Variants in SLC12A7 observed in about 807,000 individuals in gnomAD.
SLC12A7 encodes the protein solute carrier family 12 member 7, also known as K-Cl cotransporter 4.
Under a neutral mutation model 120.6 loss-of-function variants are expected in SLC12A7, and 100 were observed. The observed-to-expected ratio is 0.83, with a 90% CI of 0.71 to 0.98. The LOEUF is 0.98. SLC12A7 is among the 50% of genes least tolerant of loss of function. The pLI is 0.00. For synonymous variants in SLC12A7, 760 were observed against 678.0 expected, an observed-to-expected ratio of 1.12 and a Z score of -1.88; for missense variants, 1,373 against 1,548.1, an observed-to-expected ratio of 0.89 and a Z score of 1.90.
Position 1,052,288 on chromosome 5 carries a change from G to C in SLC12A7, c.*72C>G. On this transcript the variant is annotated 3_prime_UTR_variant, in exon 24 of 24. Transcript: ENST00000264930. The stretch of plus-strand genomic sequence containing the variant: ...GGTGTGTCTGCCGTCTGTTTCCCTG[G>C]GCCAAGCCCAGGCCCAGGCTGCCCA... 7.7e-7 allele frequency: 1 copy of C among 1,298,764 alleles called. No individual in the cohort carries two copies. Among genetic ancestry groups the C allele is most frequent in the Non-Finnish European group, 1.1e-6 (1 of 895,512 alleles). The allele number at this position is 1,298,764 out of a possible 1,614,324, so 80.5% of individuals were successfully genotyped here.
At chr5:1,054,101 A>G (rs1311669849) in intron 22 of SLC12A7, among the ~76,000 whole-genome samples, 1 of 152,250 alleles carries the variant, frequency 6.6e-6, no homozygotes, top group East Asian at 1.9e-4. Flanking sequence ...CCGAGGACTC[A>G]GCTGGAGGCA....
At chr5:1,116,879 A>G (rs908818849), upstream of SLC12A7, among the ~76,000 whole-genome samples, 2 of 152,100 alleles carry the variant, frequency 1.3e-5, no homozygotes, top group Non-Finnish European at 2.9e-5. Context: ...TCAGGGGGAA[A>G]GGCCATGCCA....
chr5:1,120,373 C>T, the SLC12A7 span, among the ~76,000 whole-genome samples: 1 of 152,312 alleles, frequency 6.6e-6, no homozygotes, highest in East Asian at 1.9e-4. Flanking sequence ...ACGCTGAACC[C>T]GGAGGACAAG....
chr5:1,137,121 C>T, the SLC12A7 span, among the ~76,000 whole-genome samples: 1 of 152,236 alleles, frequency 6.6e-6, no homozygotes. Context: ...CACAGAGCCA[C>T]ACCCAGCCAC....
intron 15 of SLC12A7, 31 bp downstream of exon 15, chr5:1,075,340 C>T (rs767365778): frequency 1.7e-5 from 28 of 1,600,228 alleles, no homozygotes; most frequent in African/African-American, 4.0e-5. Flanking sequence ...TCCCGTGCGC[C>T]GGGTCTGTAA....
rs766589447 is a variant in SLC12A7 at position 1,112,018 on chromosome 5, C to A, written c.-27G>T. 1.6e-5 allele frequency: 20 copies of A among 1,239,936 alleles called. No homozygotes were observed. In the African/African-American group the frequency reaches 2.9e-4, roughly 18 times the overall value. 76.8% of individuals were successfully genotyped at this position (1,239,936 alleles called of 1,614,324 possible). On this transcript the variant is annotated 5_prime_UTR_variant, in exon 1 of 24. Coordinates refer to ENST00000264930, the MANE Select transcript of SLC12A7 (RefSeq NM_006598.3). ...GCCGCCTGCAGCCGACAGTCCCCGT[C>A]CCGGCCCGGCCCGCGCTGCGCCGCT...
intron 17 of SLC12A7, among the ~76,000 whole-genome samples, chr5:1,069,099 A>G (rs978232581): frequency 6.6e-6 from 1 of 152,204 alleles, no homozygotes; most frequent in African/African-American, 2.4e-5. Context: ...TAACGCCTGA[A>G]CCCGTGGTGA....
At chr5:1,149,455 T>C in the SLC12A7 span, among the ~76,000 whole-genome samples, 2 of 152,040 alleles carry the variant, frequency 1.3e-5, no homozygotes, top group Non-Finnish European at 2.9e-5. Context: ...CAGGTGCCTG[T>C]AATCCCAGCT....
chr5:1,093,794 G>C, intron 2 of SLC12A7, 139 bp from the exon 3 acceptor site: 1 of 1,307,120 alleles, frequency 7.7e-7, no homozygotes, highest in Non-Finnish European at 1.0e-6. Flanking sequence ...AGAGAGGCCT[G>C]GACACCTGTG....
At position 1,063,855 on chromosome 5, in the gene SLC12A7, C is replaced by G. The variant is rs201268809; in HGVS notation, c.2728G>C (p.Val910Leu). Residue 910 changes from valine to leucine, a missense_variant, in exon 20 of 24, where the codon GTG (valine) becomes CTG (leucine). Val to Leu is a conservative substitution (Grantham distance 32). Coordinates refer to ENST00000264930, the MANE Select transcript of SLC12A7 (RefSeq NM_006598.3). ...CCCTCGGGACTCACCATCTCCACCA[C>G]CTCCACCTCGGCGCTGATGCGCAAG... ...YHLRISAEVE[V>L]VEMVENDISA... is the part of the protein sequence containing the mutation. 4.4e-6 allele frequency: 7 copies of G among 1,607,162 alleles called. No homozygotes were observed. In the African/African-American group the frequency reaches 8.1e-5, roughly 19 times the overall value.
chr5:1,154,824 C>T, the SLC12A7 span, among the ~76,000 whole-genome samples: 28 of 152,244 alleles, frequency 1.8e-4, no homozygotes, highest in African/African-American at 6.0e-4. Flanking sequence ...TCGCAGTAAC[C>T]GCAGGTCTTC....
At chr5:1,115,475 G>C (rs60484565), upstream of SLC12A7, among the ~76,000 whole-genome samples, 1 of 152,324 alleles carries the variant, frequency 6.6e-6, no homozygotes, top group East Asian at 1.9e-4. Context: ...CCAGGTCCGC[G>C]GGTCCCCCCA....
At chr5:1,062,355 A>G (rs544382777) in intron 20 of SLC12A7, among the ~76,000 whole-genome samples, 111 of 152,352 alleles carry the variant, frequency 7.3e-4, no homozygotes, top group African/African-American at 2.6e-3. Context: ...AATAACCCCT[A>G]CAACCTTGAA....
chr5:1,094,077 G>C, intron 2 of SLC12A7, 77 bp downstream of exon 2: 1 of 1,229,450 alleles, frequency 8.1e-7, no homozygotes, highest in South Asian at 1.2e-5. Context: ...CCGGCCTGGG[G>C]GCCCCCAGGG....
intron 11 of SLC12A7, chr5:1,078,483 A>G (rs1305597083): frequency 3.3e-6 from 2 of 606,908 alleles, no homozygotes; most frequent in Non-Finnish European, 5.9e-6. Flanking sequence ...CAGCCGCATC[A>G]GGGCTTGGAG....
At chr5:1,095,638 G>A (rs1049244739) in intron 1 of SLC12A7, among the ~76,000 whole-genome samples, 3 of 152,238 alleles carry the variant, frequency 2.0e-5, no homozygotes, top group Non-Finnish European at 4.4e-5. Flanking sequence ...GGCCGGAGGA[G>A]GGCAGGCCAA....
intron 2 of SLC12A7, 133 bp downstream of exon 2, chr5:1,094,021 G>A (rs1740834488): frequency 1.5e-6 from 1 of 683,924 alleles, no homozygotes; most frequent in African/African-American, 1.8e-5. Context: ...TTCAGGACAG[G>A]GAGGCCCCAG....
chr5:1,151,400 C>T, the SLC12A7 span, among the ~76,000 whole-genome samples: 6 of 152,214 alleles, frequency 3.9e-5, no homozygotes, highest in Admixed American at 6.5e-5. This position sits in a 1 kb window ranked among gnomAD's most constrained non-coding sequence, Gnocchi z 6.2. Flanking sequence ...TGCAGGGGCC[C>T]GGCCTCTGCC....
At position 1,112,013 on chromosome 5, in the gene SLC12A7, C is replaced by A; in HGVS notation, c.-22G>T. 3 of 1,253,240 alleles carry A rather than the reference C, an allele frequency of 2.4e-6. No individual in the cohort carries two copies. The highest frequency in any genetic ancestry group is 3.0e-6 in the Non-Finnish European group (3 of 998,188). The allele number at this position is 1,253,240 out of a possible 1,614,324, so 77.6% of individuals were successfully genotyped here. On this transcript the variant is annotated 5_prime_UTR_variant, in exon 1 of 24. Coordinates refer to ENST00000264930, the MANE Select transcript of SLC12A7 (RefSeq NM_006598.3). ...GCATGGCCGCCTGCAGCCGACAGTC[C>A]CCGTCCCGGCCCGGCCCGCGCTGCG...
Sources: gnomAD v4.1 joint callset for allele counts (sites outside exome capture counted in the v4.1 genomes callset) on GRCh38, gnomAD v4.1.1 for gene constraint, Gnocchi (gnomAD v3.1) non-coding constraint, MANE v1.5 for transcripts, NCBI Gene and HGNC (gene_info 2026-07-23, HGNC 2026-07-21) for gene names.